The following RERE variants were observed in gnomAD, a reference collection of about 807,000 sequenced individuals.
RERE encodes the protein arginine-glutamic acid dipeptide repeats protein.
In RERE, 40 loss-of-function variants were observed where a neutral mutation model predicts 146.1. That is an observed-to-expected ratio of 0.27 (90% CI 0.21 to 0.36). RERE has a LOEUF of 0.36. RERE is among the 10% of genes least tolerant of loss of function. The pLI is 1.00. For missense variants in RERE, 1,933 were observed against 2,138.7 expected (o/e 0.90, Z 1.90); for synonymous variants, 1,003 against 866.0 (o/e 1.16, Z -2.78).
intron 12 of RERE, among the ~76,000 whole-genome samples, chr1:8,388,057 C>T (rs1342952941): frequency 6.6e-6 from 1 of 152,176 alleles, no homozygotes; most frequent in Admixed American, 6.5e-5. Context: ...TCATACAAGG[C>T]TGTGAAGTAC....
intron 1 of RERE, among the ~76,000 whole-genome samples, chr1:8,697,611 G>T (rs991766283): frequency 6.6e-6 from 1 of 152,098 alleles, no homozygotes; most frequent in Admixed American, 6.6e-5. Flanking sequence ...GGACGGTCTC[G>T]ATCTCCTGAC....
chr1:8,593,833 T>C (rs1646523449), intron 4 of RERE, among the ~76,000 whole-genome samples: 1 of 152,196 alleles, frequency 6.6e-6, no homozygotes, highest in South Asian at 2.1e-4. Flanking sequence ...GCATGGACTT[T>C]AGGGGCTGTG....
intron 12 of RERE, among the ~76,000 whole-genome samples, chr1:8,386,529 G>C (rs900356423): frequency 2.8e-4 from 25 of 89,194 alleles, no homozygotes; most frequent in African/African-American, 7.6e-4. Context: ...CTTTCTGAAG[G>C]CAGTGAACTG....
In RERE at chr1:8,418,265, A is replaced by G. The variant is rs72866045; in HGVS notation, c.1284+4462T>C. On this transcript the variant is annotated intron_variant, in intron 12 of 22. Transcript: ENST00000400908. Reference sequence around the variant, plus strand: ...TGAGTTTCCAGTGTAGTAAGTGTCAATGCACCACCAACTGGGATTACAAAT... The same window carrying G: ...TGAGTTTCCAGTGTAGTAAGTGTCAGTGCACCACCAACTGGGATTACAAAT... 2.1e-3 allele frequency among the ~76,000 whole-genome samples: 323 copies of G among 152,342 alleles called. 4 individuals carry two copies. Among genetic ancestry groups the G allele is most frequent in the African/African-American group, 7.2e-3 (299 of 41,572 alleles).
chr1:8,751,486 C>A (rs765669411), intron 1 of RERE, among the ~76,000 whole-genome samples: 12 of 152,138 alleles, frequency 7.9e-5, no homozygotes, highest in Non-Finnish European at 1.5e-4. Flanking sequence ...TGGAAGGGAG[C>A]AAATTCCATT....
chr1:8,496,415 T>C (rs538143208), intron 9 of RERE, among the ~76,000 whole-genome samples: 1 of 151,788 alleles, frequency 6.6e-6, no homozygotes, highest in South Asian at 2.1e-4. Context: ...AAGTTAAGGC[T>C]GTAGTGAGCT....
intron 6 of RERE, among the ~76,000 whole-genome samples, chr1:8,545,980 G>GTTTTT (rs1480930167): frequency 8.0e-5 from 6 of 75,372 alleles, no homozygotes; most frequent in Admixed American, 3.5e-4. Flanking sequence ...ACCATACCCA[G>GTTTTT]TCTTTTTTTT....
chr1:8,548,245 G>A (rs745783330), intron 6 of RERE, among the ~76,000 whole-genome samples: 23 of 152,178 alleles, frequency 1.5e-4, no homozygotes, highest in Non-Finnish European at 2.5e-4. Flanking sequence ...AGGTGGGAGC[G>A]AAGAGGGAAA....
chr1:8,572,673 T>C (rs980551656), intron 4 of RERE, among the ~76,000 whole-genome samples: 8 of 152,218 alleles, frequency 5.3e-5, no homozygotes, highest in Non-Finnish European at 1.2e-4. Context: ...TTGCTGAGTA[T>C]ATAGAAGTGG....
chr1:8,477,430 GA>G (rs1354914573), intron 10 of RERE, among the ~76,000 whole-genome samples: 1 of 152,166 alleles, frequency 6.6e-6, no homozygotes, highest in African/African-American at 2.4e-5. Flanking sequence ...GCCACAAGTG[GA>G]AATGGTTCAG....
chr1:8,535,719 A>G (rs1256373389), intron 7 of RERE, among the ~76,000 whole-genome samples: 1 of 151,700 alleles, frequency 6.6e-6, no homozygotes, highest in Non-Finnish European at 1.5e-5. Context: ...ATAGTAACAT[A>G]TAAGCCTCAA....
rs1293299333 is a variant in RERE at position 8,817,159 on chromosome 1, C to A, written c.-145+1G>T. On this transcript the variant is annotated splice_donor_variant, in intron 1 of 22. Transcript: ENST00000400908. LOFTEE classifies it low-confidence loss of function (5UTR_SPLICE). Reference sequence around the variant, plus strand: ...CCGGCGCGGGCAAGTTGGACACTTACCTTCCCCTAAAGCGCTACACCATCA... The same window carrying A: ...CCGGCGCGGGCAAGTTGGACACTTAACTTCCCCTAAAGCGCTACACCATCA... 1 of 152,270 alleles carries A rather than the reference C, an allele frequency of 6.6e-6. No homozygotes were observed. Among genetic ancestry groups the A allele is most frequent in the Non-Finnish European group, 1.5e-5 (1 of 68,076 alleles). 9.4% of individuals were successfully genotyped at this position (152,270 alleles called of 1,614,324 possible). A position where few individuals can be genotyped will look rare whatever the true frequency, so the allele number is the denominator to read the frequency against.
intron 12 of RERE, among the ~76,000 whole-genome samples, chr1:8,384,602 T>C (rs1642576681): frequency 6.6e-6 from 1 of 152,192 alleles, no homozygotes. Context: ...TCTGAACTGA[T>C]GAATATCACT....
At chr1:8,774,711 A>G (rs1641025990) in intron 1 of RERE, among the ~76,000 whole-genome samples, 1 of 108,226 alleles carries the variant, frequency 9.2e-6, no homozygotes, top group African/African-American at 3.0e-5. Flanking sequence ...AATGACCTAA[A>G]AGAATCAAAC....
At chr1:8,601,262 C>A (rs1329444151) in intron 4 of RERE, among the ~76,000 whole-genome samples, 1 of 152,082 alleles carries the variant, frequency 6.6e-6, no homozygotes, top group Admixed American at 6.6e-5. Context: ...CAGTGACCCA[C>A]CCTCCTCAGC....
At chr1:8,375,637 G>T (rs1642214906) in intron 12 of RERE, among the ~76,000 whole-genome samples, 1 of 147,102 alleles carries the variant, frequency 6.8e-6, no homozygotes, top group African/African-American at 2.5e-5. Flanking sequence ...TCCTCACTCA[G>T]CAGCCACTGA....
intron 10 of RERE, among the ~76,000 whole-genome samples, chr1:8,466,662 GCTT>G (rs1448278454): frequency 6.6e-6 from 1 of 152,176 alleles, no homozygotes; most frequent in Non-Finnish European, 1.5e-5. Context: ...AAATTTAAGA[GCTT>G]TTTAAAGAAA....
At chr1:8,488,706 G>A (rs532053419) in intron 10 of RERE, among the ~76,000 whole-genome samples, 62 of 152,200 alleles carry the variant, frequency 4.1e-4, no homozygotes, top group African/African-American at 1.4e-3. Context: ...AAACACAGAG[G>A]CCCTAATAAC....
chr1:8,647,647 G>A lies in RERE; in HGVS notation c.325+8326C>T, dbSNP rs1014536149. ...GCTTCTATTTAAAATATGTATGTGT[G>A]TGTGTGTGTGTGTGTGTGTGTGTGT... On this transcript the variant is annotated intron_variant, in intron 2 of 22. Transcript: ENST00000400908. 1.1e-4 allele frequency among the ~76,000 whole-genome samples: 15 copies of A among 141,668 alleles called. 1 individual carries two copies. The highest frequency in any genetic ancestry group is 2.7e-4 in the Admixed American group (4 of 14,596). The allele number at this position is 141,668 out of a possible 152,430, so 92.9% of individuals were successfully genotyped here. A position where few individuals can be genotyped will look rare whatever the true frequency, so the allele number is the denominator to read the frequency against.
Sources: allele counts gnomAD v4.1 joint callset (sites outside exome capture counted in the v4.1 genomes callset), GRCh38; gene constraint gnomAD v4.1.1; transcripts MANE v1.5; gene names NCBI Gene and HGNC (gene_info 2026-07-23, HGNC 2026-07-21).